The following NKAIN2 variants were observed in gnomAD, a reference collection of about 807,000 sequenced individuals.
NKAIN2 encodes the protein sodium/potassium-transporting ATPase subunit beta-1-interacting protein 2.
A neutral mutation model predicts 32.6 loss-of-function variants in NKAIN2; 14 were observed. The observed-to-expected ratio is 0.43, with a 90% CI of 0.28 to 0.67. NKAIN2 has a LOEUF of 0.67. Among genes scored for constraint, NKAIN2 ranks in the 30% least tolerant of loss-of-function variants. The pLI is 0.17. For synonymous variants in NKAIN2, 80 were observed against 87.2 expected (o/e 0.92, Z 0.46); for missense variants, 198 against 258.3 (o/e 0.77, Z 1.60).
At chr6:124,814,649 A>G (rs1781063626) in intron 5 of NKAIN2, among the ~76,000 whole-genome samples, 1 of 152,138 alleles carries the variant, frequency 6.6e-6, no homozygotes, top group East Asian at 1.9e-4. Context: ...CTCAAGCTCC[A>G]TTCGCATCAC....
chr6:124,432,358 G>C (rs966798586), intron 3 of NKAIN2, among the ~76,000 whole-genome samples: 5 of 152,204 alleles, frequency 3.3e-5, no homozygotes, highest in African/African-American at 1.2e-4. Context: ...ACTAGGTTCA[G>C]TTGTGTGCTT....
intron 1 of NKAIN2, among the ~76,000 whole-genome samples, chr6:124,067,314 A>C (rs560079335): frequency 3.2e-4 from 48 of 152,240 alleles, no homozygotes; most frequent in Non-Finnish European, 6.0e-4. Context: ...ATGATATCTC[A>C]TCACTTTGTG....
chr6:124,658,753 TTCTCTTTTAGTG>T (rs1784635774), intron 4 of NKAIN2: 2 of 373,574 alleles, frequency 5.4e-6, no homozygotes, highest in South Asian at 1.5e-4. Flanking sequence ...CATAAGTGTT[TTCTCTTTTAGTG>T]CTTCTTTTGG....
chr6:123,976,310 T>TATATATATATGTTC, intron 1 of NKAIN2, among the ~76,000 whole-genome samples: 1 of 67,680 alleles, frequency 1.5e-5, no homozygotes, highest in Non-Finnish European at 3.1e-5. Flanking sequence ...TATATATGTT[T>TATATATATATGTTC]CCATATATAT....
intron 1 of NKAIN2, among the ~76,000 whole-genome samples, chr6:123,866,144 C>T (rs1043719469): frequency 6.6e-6 from 1 of 152,182 alleles, no homozygotes; most frequent in African/African-American, 2.4e-5. Flanking sequence ...GTCTCTCATG[C>T]ATTTCACTCA....
chr6:124,157,102 C>CAAA (rs386408503), intron 1 of NKAIN2, among the ~76,000 whole-genome samples: 1,562 of 48,932 alleles, frequency 0.032, 444 homozygotes, highest in East Asian at 0.042. Context: ...GACTCTGTCT[C>CAAA]AAAAAAAAAA....
At chr6:124,110,429 G>A (rs1052674984) in intron 1 of NKAIN2, among the ~76,000 whole-genome samples, 21 of 151,884 alleles carry the variant, frequency 1.4e-4, no homozygotes, top group African/African-American at 4.8e-4. Context: ...TTTAGTTTCA[G>A]GGAGTGCATG....
intron 4 of NKAIN2, among the ~76,000 whole-genome samples, chr6:124,679,259 G>T (rs768306406): frequency 6.6e-6 from 1 of 152,028 alleles, no homozygotes; most frequent in Non-Finnish European, 1.5e-5. Flanking sequence ...CCGGGACAAG[G>T]GTGGGACTAT....
intron 1 of NKAIN2, among the ~76,000 whole-genome samples, chr6:123,932,406 C>CTTTT (rs57063550): frequency 3.9e-4 from 41 of 104,384 alleles, no homozygotes; most frequent in African/African-American, 1.4e-3. Flanking sequence ...TTCTGTCTTT[C>CTTTT]TTTTTTTTTT....
chr6:124,513,913 T>C (rs1443563345), intron 3 of NKAIN2, among the ~76,000 whole-genome samples: 1 of 152,178 alleles, frequency 6.6e-6, no homozygotes, highest in Non-Finnish European at 1.5e-5. Flanking sequence ...ACATAAAATG[T>C]GTGCTTGATG....
chr6:124,588,425 C>T (rs983069605), intron 3 of NKAIN2, among the ~76,000 whole-genome samples: 5 of 151,960 alleles, frequency 3.3e-5, no homozygotes, highest in African/African-American at 9.7e-5. Flanking sequence ...TTGAGGCCTG[C>T]GTTAACATGT....
intron 1 of NKAIN2, among the ~76,000 whole-genome samples, chr6:124,119,249 C>T (rs770295543): frequency 1.3e-5 from 2 of 152,110 alleles, no homozygotes; most frequent in African/African-American, 2.4e-5. Flanking sequence ...TGTAATTAAT[C>T]GGGGAACATT....
Position 124,126,841 on chromosome 6 carries a change from G to A in NKAIN2, c.55-156164G>A, listed in dbSNP as rs1231480633. Among the ~76,000 whole-genome samples the A allele has an allele frequency of 3.9e-5, 6 of 152,138 alleles. No individual in the cohort carries two copies. The South Asian group carries it at 1.2e-3, about 32-fold the overall frequency. On this transcript the variant is annotated intron_variant, in intron 1 of 6. Transcript: ENST00000368417. Reference sequence around the variant, plus strand: ...GTGGTAGCATGTGCCTGTAGTCCCAGCTACTCTGGGGACTAAAGCGAGAAG... The same window carrying A: ...GTGGTAGCATGTGCCTGTAGTCCCAACTACTCTGGGGACTAAAGCGAGAAG...
At position 124,802,017 on chromosome 6, in the gene NKAIN2, T is replaced by C. The variant is rs1047643287; in HGVS notation, c.535+10618T>C. 2.0e-5 allele frequency among the ~76,000 whole-genome samples: 3 copies of C among 152,312 alleles called. No individual in the cohort carries two copies. In the South Asian group the frequency reaches 6.2e-4, roughly 32 times the overall value. Reference sequence around the variant, plus strand: ...ACCAATAAAAATGTTAGAGTAACCATGGGACATTCTCTTTCCTGAAATTGC... The same window carrying C: ...ACCAATAAAAATGTTAGAGTAACCACGGGACATTCTCTTTCCTGAAATTGC... On this transcript the variant is annotated intron_variant, in intron 5 of 6. Coordinates refer to ENST00000368417, the MANE Select transcript of NKAIN2 (RefSeq NM_001040214.3).
intron 1 of NKAIN2, among the ~76,000 whole-genome samples, chr6:124,237,283 A>G (rs995191495): frequency 6.6e-6 from 1 of 152,182 alleles, no homozygotes; most frequent in Non-Finnish European, 1.5e-5. Flanking sequence ...AGAACAATTG[A>G]GGAAGGAGGG....
intron 1 of NKAIN2, among the ~76,000 whole-genome samples, chr6:124,006,604 T>C (rs1253784676): frequency 1.3e-5 from 2 of 152,204 alleles, no homozygotes; most frequent in Non-Finnish European, 2.9e-5. Flanking sequence ...ACTCCTCTTT[T>C]CTCTGTGACC....
chr6:124,274,212 T>C (rs753537557), intron 1 of NKAIN2, among the ~76,000 whole-genome samples: 7 of 152,214 alleles, frequency 4.6e-5, no homozygotes, highest in Non-Finnish European at 8.8e-5. Context: ...TTCATGTTTT[T>C]ATCAGAAATG....
At chr6:124,111,219 C>T (rs74432872) in intron 1 of NKAIN2, among the ~76,000 whole-genome samples, 1 of 152,010 alleles carries the variant, frequency 6.6e-6, no homozygotes, top group East Asian at 1.9e-4. Context: ...AATGTCAGGT[C>T]CATTTTTTCT....
intron 1 of NKAIN2, among the ~76,000 whole-genome samples, chr6:123,904,015 G>A (rs2114426651): frequency 1.3e-5 from 2 of 152,038 alleles, no homozygotes; most frequent in Middle Eastern, 6.8e-3. Context: ...ATCACCTGAG[G>A]TCGGGAGTTT....
Sources: gnomAD v4.1 joint callset for allele counts (sites outside exome capture counted in the v4.1 genomes callset) on GRCh38, gnomAD v4.1.1 for gene constraint, MANE v1.5 for transcripts, NCBI Gene and HGNC (gene_info 2026-07-23, HGNC 2026-07-21) for gene names.